Variants in ODAD2 observed in about 807,000 individuals in gnomAD.
ODAD2 encodes the protein outer dynein arm docking complex subunit 2.
In ODAD2, 89 loss-of-function variants were observed where a neutral mutation model predicts 106.8. That is an observed-to-expected ratio of 0.83 (90% CI 0.70 to 0.99). The LOEUF is 0.99. ODAD2 is among the 50% of genes least tolerant of loss of function. The pLI is 0.00. For synonymous variants in ODAD2, 404 were observed against 436.2 expected, an observed-to-expected ratio of 0.93 and a Z score of 0.92; for missense variants, 1,168 against 1,238.5, an observed-to-expected ratio of 0.94 and a Z score of 0.85.
At chr10:27,908,104 A>G (rs1843730716) in intron 16 of ODAD2, among the ~76,000 whole-genome samples, 1 of 152,180 alleles carries the variant, frequency 6.6e-6, no homozygotes, top group South Asian at 2.1e-4. Flanking sequence ...TTCATATAGT[A>G]ACATTTAAAT....
At chr10:27,821,312 T>C (rs927663026) in intron 19 of ODAD2, among the ~76,000 whole-genome samples, 1 of 152,216 alleles carries the variant, frequency 6.6e-6, no homozygotes, top group African/African-American at 2.4e-5. Context: ...TTTCAATAAC[T>C]GTTACTCATT....
chr10:27,875,720 C>T (rs1270932194), intron 17 of ODAD2, among the ~76,000 whole-genome samples: 1 of 152,118 alleles, frequency 6.6e-6, no homozygotes, highest in African/African-American at 2.4e-5. Context: ...GTGCAGCCCA[C>T]CGAGCATGAG....
At chr10:27,934,693 C>A (rs1188735863) in intron 16 of ODAD2, among the ~76,000 whole-genome samples, 1 of 151,852 alleles carries the variant, frequency 6.6e-6, no homozygotes, top group East Asian at 1.9e-4. Flanking sequence ...TCTCTAGGAG[C>A]CTAGTTAGAT....
chr10:27,850,388 T>G (rs1197084934), intron 19 of ODAD2, among the ~76,000 whole-genome samples: 1 of 138,508 alleles, frequency 7.2e-6, no homozygotes, highest in Non-Finnish European at 1.5e-5. Flanking sequence ...GAGCTTGCAG[T>G]GAGCTGAGAT....
At chr10:27,934,071 G>A (rs1845793524) in intron 16 of ODAD2, among the ~76,000 whole-genome samples, 1 of 152,074 alleles carries the variant, frequency 6.6e-6, no homozygotes, top group Admixed American at 6.6e-5. Context: ...AGATCTGATA[G>A]TTTTAAAAAG....
At chr10:27,942,846 A>G (rs1846554691) in intron 12 of ODAD2, among the ~76,000 whole-genome samples, 1 of 152,228 alleles carries the variant, frequency 6.6e-6, no homozygotes, top group South Asian at 2.1e-4. Flanking sequence ...CCATCTATCC[A>G]GCCATAAGTC....
At chr10:27,853,518 C>A (rs1465382584) in intron 19 of ODAD2, among the ~76,000 whole-genome samples, 1 of 151,970 alleles carries the variant, frequency 6.6e-6, no homozygotes, top group East Asian at 1.9e-4. Context: ...CTCAAAAAAA[C>A]CAAGGGTGTC....
At chr10:27,839,290 C>A (rs952212885) in intron 19 of ODAD2, among the ~76,000 whole-genome samples, 5 of 152,202 alleles carry the variant, frequency 3.3e-5, no homozygotes, top group African/African-American at 1.2e-4. Flanking sequence ...TGACACGCGG[C>A]AGCAAGTATG....
rs796323318 is a variant in ODAD2, at chr10:27,954,998, TA to T, written c.1386+6569del. Among the ~76,000 whole-genome samples, 94 of 152,026 alleles carry T rather than the reference TA, an allele frequency of 6.2e-4. 1 individual carries two copies. Among genetic ancestry groups the T allele is most frequent in the Non-Finnish European group, 8.2e-4 (56 of 67,946 alleles). On this transcript the variant is annotated intron_variant, in intron 10 of 19. Coordinates refer to ENST00000305242, the MANE Select transcript of ODAD2 (RefSeq NM_018076.5). Reference sequence around the variant, plus strand: ...TATGTTATGATTTCAAACAAGCAATTAAAAAAAAGTCACAAAAGTTGTCCTA... The same window carrying T: ...TATGTTATGATTTCAAACAAGCAATTAAAAAAAGTCACAAAAGTTGTCCTA...
chr10:27,865,370 C>T (rs980228115), intron 17 of ODAD2, among the ~76,000 whole-genome samples: 2 of 152,194 alleles, frequency 1.3e-5, no homozygotes, highest in African/African-American at 4.8e-5. Flanking sequence ...GTTTTCATGT[C>T]CTCAAATGTG....
chr10:27,817,290 A>C (rs1176938804), intron 19 of ODAD2, among the ~76,000 whole-genome samples: 1 of 152,152 alleles, frequency 6.6e-6, no homozygotes, highest in Non-Finnish European at 1.5e-5. Flanking sequence ...ATGGTTCAGA[A>C]TTTTTATTGA....
chr10:27,952,865 T>G (rs1480154474), intron 10 of ODAD2, among the ~76,000 whole-genome samples: 1 of 152,210 alleles, frequency 6.6e-6, no homozygotes, highest in Non-Finnish European at 1.5e-5. Context: ...TGAAACTTTT[T>G]TTTACATAAA....
intron 10 of ODAD2, among the ~76,000 whole-genome samples, chr10:27,947,720 G>A (rs560099198): frequency 2.7e-4 from 41 of 152,222 alleles, no homozygotes; most frequent in Non-Finnish European, 5.6e-4. Flanking sequence ...TTATTTAGGC[G>A]GAGGCTTCAG....
At chr10:27,959,183 G>T (rs1191558118) in intron 10 of ODAD2, among the ~76,000 whole-genome samples, 1 of 96,406 alleles carries the variant, frequency 1.0e-5, no homozygotes, top group Non-Finnish European at 2.1e-5. Context: ...AGAGGGGAGG[G>T]GAGTGGAGAG....
At position 27,883,713 on chromosome 10, in the gene ODAD2, T is replaced by C. The variant is rs181887415; in HGVS notation, c.2611-21091A>G. 9.9e-4 allele frequency among the ~76,000 whole-genome samples: 151 copies of C among 152,282 alleles called. 1 individual carries two copies. In the East Asian group the frequency reaches 0.024, roughly 24 times the overall value. ...TGCATCAATAAAGAGAATTAAATTG[T>C]GTTAAAAATTAAATAGAAATTCTGG... On this transcript the variant is annotated intron_variant, in intron 17 of 19. Coordinates refer to ENST00000305242, the MANE Select transcript of ODAD2 (RefSeq NM_018076.5).
intron 17 of ODAD2, among the ~76,000 whole-genome samples, chr10:27,885,415 C>G (rs2133612514): frequency 7.2e-6 from 1 of 139,070 alleles, no homozygotes; most frequent in South Asian, 2.2e-4. Flanking sequence ...GAGGCTGAGG[C>G]AGGAGAACGG....
intron 17 of ODAD2, among the ~76,000 whole-genome samples, chr10:27,898,286 C>T (rs7094167): frequency 0.66 from 100,685 of 151,948 alleles, 33,693 homozygotes; most frequent in Middle Eastern, 0.74. Context: ...TATTCATCCT[C>T]TCTACTAAAT....
At chr10:27,878,738 T>C (rs1841513411) in intron 17 of ODAD2, among the ~76,000 whole-genome samples, 1 of 152,164 alleles carries the variant, frequency 6.6e-6, no homozygotes, top group African/African-American at 2.4e-5. Context: ...CTTAATGAAT[T>C]AAATCCTTTA....
At chr10:27,931,892 T>C (rs982109575) in intron 16 of ODAD2, among the ~76,000 whole-genome samples, 2 of 151,244 alleles carry the variant, frequency 1.3e-5, no homozygotes, top group African/African-American at 4.9e-5. Flanking sequence ...CACAATGGGG[T>C]TATGTCCCGA....
Sources: allele counts gnomAD v4.1 joint callset (sites outside exome capture counted in the v4.1 genomes callset), GRCh38; gene constraint gnomAD v4.1.1; transcripts MANE v1.5; gene names NCBI Gene and HGNC (gene_info 2026-07-23, HGNC 2026-07-21).